Variants in BLTP3B observed in about 807,000 individuals in gnomAD.
BLTP3B encodes the protein UHRF1 (ICBP90) binding protein 1-like.
At chr12:100,104,170 C>T in the BLTP3B span, among the ~76,000 whole-genome samples, 2 of 150,914 alleles carry the variant, frequency 1.3e-5, no homozygotes, top group Admixed American at 6.6e-5. Flanking sequence ...TCTCCTCAGA[C>T]ATCTTTTGAA....
the BLTP3B span, among the ~76,000 whole-genome samples, chr12:100,066,760 C>T: frequency 6.6e-6 from 1 of 151,428 alleles, no homozygotes; most frequent in African/African-American, 2.4e-5. Flanking sequence ...GCCGAGATCA[C>T]ACCACTGCAC....
chr12:100,082,174 T>C, the BLTP3B span, among the ~76,000 whole-genome samples: 2 of 152,252 alleles, frequency 1.3e-5, no homozygotes, highest in Non-Finnish European at 2.9e-5. Flanking sequence ...TGTTGAGCAC[T>C]GTTTCATATG....
the BLTP3B span, among the ~76,000 whole-genome samples, chr12:100,060,504 G>A: frequency 2.6e-5 from 4 of 152,126 alleles, no homozygotes; most frequent in South Asian, 2.1e-4. Flanking sequence ...CTTCTAAAAT[G>A]AGAGAGCTAA....
chr12:100,061,833 G>T, the BLTP3B span, among the ~76,000 whole-genome samples: 1 of 152,128 alleles, frequency 6.6e-6, no homozygotes, highest in Non-Finnish European at 1.5e-5. Context: ...AGAAATACAT[G>T]CATTAAAAAC....
the BLTP3B span, chr12:100,060,065 T>C: frequency 3.3e-6 from 5 of 1,534,568 alleles, no homozygotes; most frequent in South Asian, 3.8e-5. Flanking sequence ...AGATGTTTTT[T>C]AAAAATTTTT....
chr12:100,051,154 T>G, the BLTP3B span: 4 of 1,614,162 alleles, frequency 2.5e-6, no homozygotes, highest in Non-Finnish European at 3.4e-6. Flanking sequence ...CATAATTCTG[T>G]AGGTTTGCAC....
At chr12:100,059,618 C>A in the BLTP3B span, 7 of 1,407,800 alleles carry the variant, frequency 5.0e-6, no homozygotes, top group Non-Finnish European at 6.6e-6. Flanking sequence ...CTCAGAAATT[C>A]TTTTTCTTGA....
At chr12:100,111,892 G>A in the BLTP3B span, among the ~76,000 whole-genome samples, 1 of 152,042 alleles carries the variant, frequency 6.6e-6, no homozygotes, top group Non-Finnish European at 1.5e-5. Flanking sequence ...ACAGGCATGA[G>A]CCACCGTGCC....
the BLTP3B span, chr12:100,108,542 G>A: frequency 6.2e-7 from 1 of 1,603,134 alleles, no homozygotes; most frequent in East Asian, 2.2e-5. Flanking sequence ...ATAAATTTTT[G>A]GTAAATCTGA....
At chr12:100,073,859 G>T in the BLTP3B span, among the ~76,000 whole-genome samples, 1 of 151,982 alleles carries the variant, frequency 6.6e-6, no homozygotes, top group African/African-American at 2.4e-5. Context: ...ATGAATCAAA[G>T]AAACATACCT....
chr12:100,102,730 T>G, the BLTP3B span: 2 of 1,371,448 alleles, frequency 1.5e-6, no homozygotes. Context: ...AATGTCCTGT[T>G]ATTGGCAGTC....
chr12:100,084,651 A>C, the BLTP3B span: 1 of 1,613,314 alleles, frequency 6.2e-7, no homozygotes, highest in Admixed American at 1.7e-5. Flanking sequence ...AATGATTACA[A>C]CTATCTCCTG....
the BLTP3B span, among the ~76,000 whole-genome samples, chr12:100,049,537 T>C: frequency 6.6e-6 from 1 of 152,192 alleles, no homozygotes; most frequent in African/African-American, 2.4e-5. Context: ...AGGTGGAGAA[T>C]TGCTCTTGAA....
At chr12:100,103,729 C>T in the BLTP3B span, among the ~76,000 whole-genome samples, 12 of 152,096 alleles carry the variant, frequency 7.9e-5, no homozygotes, top group Admixed American at 6.6e-5. Context: ...TAAAGATGCT[C>T]CTACTTTAAG....
chr12:100,124,962 A>T, the BLTP3B span, among the ~76,000 whole-genome samples: 1 of 107,218 alleles, frequency 9.3e-6, no homozygotes, highest in Non-Finnish European at 2.0e-5. Flanking sequence ...ATATATATAT[A>T]TATATATATA....
At chr12:100,130,306 C>T in the BLTP3B span, among the ~76,000 whole-genome samples, 1 of 152,160 alleles carries the variant, frequency 6.6e-6, no homozygotes, top group African/African-American at 2.4e-5. Context: ...CAGACCACCT[C>T]TGTTTCACCG....
the BLTP3B span, among the ~76,000 whole-genome samples, chr12:100,139,831 G>C: frequency 2.0e-5 from 3 of 152,096 alleles, no homozygotes; most frequent in African/African-American, 7.2e-5. Flanking sequence ...AAATATGTAC[G>C]ACAGACAAGC....
chr12:100,076,165 AC>A, the BLTP3B span, among the ~76,000 whole-genome samples: 2 of 151,782 alleles, frequency 1.3e-5, no homozygotes, highest in Non-Finnish European at 2.9e-5. Context: ...CATTTTTTTC[AC>A]CCCCCAAAAC....
At chr12:100,055,726 C>A in the BLTP3B span, among the ~76,000 whole-genome samples, 1 of 150,538 alleles carries the variant, frequency 6.6e-6, no homozygotes, top group Non-Finnish European at 1.5e-5. Context: ...CCCAGTTCTG[C>A]GTACAATAAT....
Sources: gnomAD v4.1 joint callset for allele counts (sites outside exome capture counted in the v4.1 genomes callset) on GRCh38, gnomAD v4.1.1 for gene constraint, MANE v1.5 for transcripts, NCBI Gene and HGNC (gene_info 2026-07-23, HGNC 2026-07-21) for gene names.